The following RASSF8 variants were observed in gnomAD, a reference collection of about 807,000 sequenced individuals.
The protein encoded by RASSF8 is Ras association domain family member 8, also known as ras association domain-containing protein 8.
A neutral mutation model predicts 48.5 loss-of-function variants in RASSF8; 22 were observed. That is an observed-to-expected ratio of 0.45 (90% CI 0.32 to 0.65). RASSF8 has a LOEUF of 0.65. RASSF8 is among the 30% of genes least tolerant of loss of function. The pLI is 0.03. For missense variants in RASSF8, 418 were observed against 489.2 expected, an observed-to-expected ratio of 0.85 and a Z score of 1.37; for synonymous variants, 127 against 171.5, an observed-to-expected ratio of 0.74 and a Z score of 2.03.
Position 26,072,055 on chromosome 12 carries a change from CTT to C in RASSF8, c.*3240_*3241del, listed in dbSNP as rs1944010579. ...GGAAATAACACAGAAAAGACAAAAA[CTT>C]TTGATTTCAGGCATGCAAAGTGCTT... On this transcript the variant is annotated 3_prime_UTR_variant, in exon 6 of 6. Transcript: ENST00000689635. 4 of 985,346 alleles carry C rather than the reference CTT, an allele frequency of 4.1e-6. No individual in the cohort carries two copies. Among genetic ancestry groups the C allele is most frequent in the Non-Finnish European group, 4.8e-6 (4 of 829,880 alleles). 61.0% of individuals were successfully genotyped at this position (985,346 alleles called of 1,614,324 possible). A position where few individuals can be genotyped will look rare whatever the true frequency, so the allele number is the denominator to read the frequency against.
intron 2 of RASSF8, among the ~76,000 whole-genome samples, chr12:26,038,365 C>T (rs555098519): frequency 6.6e-6 from 1 of 152,146 alleles, no homozygotes; most frequent in Non-Finnish European, 1.5e-5. Flanking sequence ...CACCGTAGAT[C>T]CTGCAAATGT....
intron 2 of RASSF8, among the ~76,000 whole-genome samples, chr12:26,038,039 C>T (rs1353335968): frequency 6.6e-6 from 1 of 152,184 alleles, no homozygotes; most frequent in African/African-American, 2.4e-5. Flanking sequence ...TGTTGTCTTT[C>T]TACCCTGTAC....
intron 4 of RASSF8, among the ~76,000 whole-genome samples, chr12:26,066,763 C>A (rs529746901): frequency 1.3e-5 from 2 of 152,324 alleles, no homozygotes; most frequent in South Asian, 4.1e-4. Flanking sequence ...AATCTCTTCC[C>A]AACCCCTACC....
chr12:26,074,705 G>A (rs1315778967), downstream of RASSF8, among the ~76,000 whole-genome samples: 2 of 152,048 alleles, frequency 1.3e-5, no homozygotes, highest in East Asian at 1.9e-4. Flanking sequence ...CCACTAGAGG[G>A]GCAAGGATAG....
chr12:26,060,302 G>A (rs1314044001), intron 3 of RASSF8, among the ~76,000 whole-genome samples: 2 of 152,122 alleles, frequency 1.3e-5, no homozygotes, highest in Non-Finnish European at 2.9e-5. Context: ...TGTGGATGAT[G>A]TAACTATGGT....
At chr12:26,031,761 G>C (rs1408311243) in intron 2 of RASSF8, among the ~76,000 whole-genome samples, 1 of 151,944 alleles carries the variant, frequency 6.6e-6, no homozygotes, top group Non-Finnish European at 1.5e-5. Context: ...AGAAAAAGAG[G>C]GTTAATAGAG....
At chr12:26,018,236 A>G (rs545005810) in intron 2 of RASSF8, among the ~76,000 whole-genome samples, 6 of 152,286 alleles carry the variant, frequency 3.9e-5, no homozygotes, top group Admixed American at 3.3e-4. Context: ...ATAAATTTAA[A>G]TGCTATGCAA....
chr12:25,977,547 G>A (rs1238700911), intron 1 of RASSF8, among the ~76,000 whole-genome samples: 2 of 151,616 alleles, frequency 1.3e-5, no homozygotes, highest in Admixed American at 1.3e-4. Context: ...GTATTTAACA[G>A]GAAAATTGTT....
chr12:26,062,049 A>G (rs1388080924), intron 3 of RASSF8, among the ~76,000 whole-genome samples: 1 of 152,222 alleles, frequency 6.6e-6, no homozygotes, highest in Non-Finnish European at 1.5e-5. Context: ...TTTAGTTCAT[A>G]TAATGTGATG....
downstream of RASSF8, among the ~76,000 whole-genome samples, chr12:26,074,205 G>C (rs149138327): frequency 9.9e-5 from 15 of 152,276 alleles, no homozygotes; most frequent in African/African-American, 3.1e-4. Context: ...TACGTGTGCT[G>C]TGTCTATTAG....
At chr12:26,047,658 TTGAA>T (rs780534330) in intron 2 of RASSF8, among the ~76,000 whole-genome samples, 2 of 151,680 alleles carry the variant, frequency 1.3e-5, no homozygotes, top group Admixed American at 6.6e-5. Context: ...TATTAATGCT[TTGAA>T]TGAAACTATG....
rs1342267562 is a variant in RASSF8, at chr12:26,072,124, T to C, written c.*3306T>C. On this transcript the variant is annotated 3_prime_UTR_variant, in exon 6 of 6. Coordinates refer to ENST00000689635, the MANE Select transcript of RASSF8 (RefSeq NM_001394098.1). ...CCCATTGTGCATTGCCTTTGATAAATTTGGCCTTAATTTATATAACGATGC... is the reference window on the plus strand; with the variant it reads ...CCCATTGTGCATTGCCTTTGATAAACTTGGCCTTAATTTATATAACGATGC... The C allele has an allele frequency of 2.7e-5, 27 of 985,044 alleles. No individual in the cohort carries two copies. Among genetic ancestry groups the C allele is most frequent in the Middle Eastern group, 5.2e-4 (1 of 1,936 alleles). The allele number at this position is 985,044 out of a possible 1,614,324, so 61.0% of individuals were successfully genotyped here.
chr12:25,980,969 T>G (rs1316323865), intron 1 of RASSF8, among the ~76,000 whole-genome samples: 1 of 152,034 alleles, frequency 6.6e-6, no homozygotes, highest in African/African-American at 2.4e-5. Flanking sequence ...CAGTAGAAAA[T>G]AGGCAATGGG....
intron 1 of RASSF8, among the ~76,000 whole-genome samples, chr12:25,977,626 A>G (rs936360394): frequency 3.9e-5 from 6 of 152,136 alleles, no homozygotes; most frequent in African/African-American, 1.4e-4. Context: ...TTAGTTGGCA[A>G]TATGATTTGC....
chr12:26,027,436 T>C (rs903781268), intron 2 of RASSF8, among the ~76,000 whole-genome samples: 1 of 152,238 alleles, frequency 6.6e-6, no homozygotes, highest in Admixed American at 6.5e-5. Context: ...AGAAAGACAC[T>C]GAAGGGTCAG....
At chr12:26,058,181 T>C (rs1943652393) in intron 3 of RASSF8, among the ~76,000 whole-genome samples, 1 of 152,220 alleles carries the variant, frequency 6.6e-6, no homozygotes. Context: ...ATACAAATGT[T>C]TTATGATATT....
At chr12:26,041,692 T>C (rs1943269438) in intron 2 of RASSF8, among the ~76,000 whole-genome samples, 2 of 152,016 alleles carry the variant, frequency 1.3e-5, no homozygotes, top group South Asian at 4.1e-4. Flanking sequence ...TATACACACA[T>C]AGTAAAATAC....
rs376784484 is a variant in RASSF8, at chr12:26,021,702, G to A, written c.-109+26572G>A. 3.3e-5 allele frequency among the ~76,000 whole-genome samples: 5 copies of A among 152,256 alleles called. No individual in the cohort carries two copies. The East Asian group carries it at 7.7e-4, about 23-fold the overall frequency. On this transcript the variant is annotated intron_variant, in intron 2 of 5. Coordinates refer to ENST00000689635, the MANE Select transcript of RASSF8 (RefSeq NM_001394098.1). ...CTGCCATTACCTTGCTTGTAAGGGA[G>A]AGAAGTTCAACACTGAGAAAGGCAA...
chr12:26,007,034 C>T (rs949365081), intron 2 of RASSF8, among the ~76,000 whole-genome samples: 5 of 152,180 alleles, frequency 3.3e-5, no homozygotes, highest in South Asian at 2.1e-4. Flanking sequence ...GAAGGGGAGC[C>T]AGCGTGTGCA....
Sources: allele counts gnomAD v4.1 joint callset (sites outside exome capture counted in the v4.1 genomes callset), GRCh38; gene constraint gnomAD v4.1.1; transcripts MANE v1.5; gene names NCBI Gene and HGNC (gene_info 2026-07-23, HGNC 2026-07-21).